Variants in RALYL observed in about 807,000 individuals in gnomAD.
RALYL encodes the protein RALY RNA binding protein like, also known as RNA-binding Raly-like protein.
A neutral mutation model predicts 35.1 loss-of-function variants in RALYL; 29 were observed. That is an observed-to-expected ratio of 0.83 (90% CI 0.61 to 1.13). The LOEUF (loss-of-function observed/expected upper bound fraction) is 1.13. RALYL is among the 50% of genes most tolerant of loss of function. RALYL has a pLI of 0.00. For missense variants in RALYL, 359 were observed against 360.4 expected (o/e 1.00, Z 0.03); for synonymous variants, 120 against 127.6 (o/e 0.94, Z 0.40).
At chr8:84,459,969 G>A (rs914714253) in intron 1 of RALYL, among the ~76,000 whole-genome samples, 4 of 151,678 alleles carry the variant, frequency 2.6e-5, no homozygotes, top group East Asian at 1.9e-4. Context: ...AGGTTGATAC[G>A]AAATTTAGAT....
At chr8:84,569,852 G>T (rs771788685) in intron 2 of RALYL, among the ~76,000 whole-genome samples, 12 of 151,586 alleles carry the variant, frequency 7.9e-5, no homozygotes, top group South Asian at 4.2e-4. Context: ...TTGTCATTTT[G>T]CCATTCTTTA....
intron 8 of RALYL, among the ~76,000 whole-genome samples, chr8:84,912,052 C>T (rs77353241): frequency 0.014 from 2,084 of 152,146 alleles, 55 homozygotes; most frequent in African/African-American, 0.048. Context: ...CTCTCACTTT[C>T]CTTGAGGTCA....
chr8:84,214,682 T>C (rs1820345039), intron 1 of RALYL, among the ~76,000 whole-genome samples: 1 of 152,130 alleles, frequency 6.6e-6, no homozygotes, highest in Admixed American at 6.5e-5. Context: ...CCCTCTTCAG[T>C]GCTACTCGAA....
intron 4 of RALYL, among the ~76,000 whole-genome samples, chr8:84,815,299 A>C (rs539492593): frequency 1.6e-4 from 24 of 151,754 alleles, no homozygotes; most frequent in Admixed American, 1.6e-3. Flanking sequence ...ATCATAATAA[A>C]TTTTAAACTT....
chr8:84,815,866 T>G (rs1258580247), intron 4 of RALYL, among the ~76,000 whole-genome samples: 2 of 151,278 alleles, frequency 1.3e-5, no homozygotes, highest in African/African-American at 2.4e-5. Context: ...AAACCCCAGC[T>G]CTACTAAAAA....
At chr8:84,789,368 ACTAT>A (rs1200743703) in intron 3 of RALYL, among the ~76,000 whole-genome samples, 2 of 152,234 alleles carry the variant, frequency 1.3e-5, no homozygotes, top group Non-Finnish European at 2.9e-5. Context: ...TCTTACTAAA[ACTAT>A]CTACAACATC....
intron 2 of RALYL, among the ~76,000 whole-genome samples, chr8:84,738,003 A>G (rs894052827): frequency 1.3e-5 from 2 of 152,056 alleles, no homozygotes; most frequent in Non-Finnish European, 2.9e-5. Flanking sequence ...ACCATGTCAG[A>G]CATTGTACTA....
chr8:84,607,880 A>G (rs1240344487), intron 2 of RALYL, among the ~76,000 whole-genome samples: 1 of 152,054 alleles, frequency 6.6e-6, no homozygotes, highest in African/African-American at 2.4e-5. Flanking sequence ...TAAATTTCTA[A>G]AAAGACAAAA....
intron 1 of RALYL, among the ~76,000 whole-genome samples, chr8:84,372,891 T>TTTTGTTTTGTTTTG (rs1415267299): frequency 1.3e-4 from 15 of 116,724 alleles, no homozygotes; most frequent in African/African-American, 5.0e-4. Flanking sequence ...CATCTGTTTT[T>TTTTGTTTTGTTTTG]TTTTTTTTTT....
At chr8:84,299,600 G>C (rs1472914707) in intron 1 of RALYL, among the ~76,000 whole-genome samples, 1 of 151,788 alleles carries the variant, frequency 6.6e-6, no homozygotes, top group Non-Finnish European at 1.5e-5. Context: ...GTGGTCCAGG[G>C]CTTTCCCTGG....
At chr8:84,444,032 A>C (rs564998566) in intron 1 of RALYL, among the ~76,000 whole-genome samples, 1 of 152,112 alleles carries the variant, frequency 6.6e-6, no homozygotes, top group Non-Finnish European at 1.5e-5. Flanking sequence ...GTATTCAAAT[A>C]AAAAACACAA....
At chr8:84,716,919 T>C (rs1279119472) in intron 2 of RALYL, among the ~76,000 whole-genome samples, 1 of 152,034 alleles carries the variant, frequency 6.6e-6, no homozygotes, top group East Asian at 1.9e-4. Context: ...TACAAGAAAT[T>C]GTAGCATAAA....
intron 8 of RALYL, among the ~76,000 whole-genome samples, chr8:84,897,406 G>A (rs1844937380): frequency 6.6e-6 from 1 of 152,146 alleles, no homozygotes; most frequent in Non-Finnish European, 1.5e-5. Context: ...GGAAACAAAT[G>A]TAATATTCTG....
intron 4 of RALYL, among the ~76,000 whole-genome samples, chr8:84,819,510 G>A (rs898603203): frequency 3.9e-5 from 6 of 152,134 alleles, no homozygotes; most frequent in Non-Finnish European, 7.4e-5. Flanking sequence ...TGACAGTGGC[G>A]TGTTGAATGC....
chr8:84,210,951 A>G (rs1380231057), intron 1 of RALYL, among the ~76,000 whole-genome samples: 5 of 152,140 alleles, frequency 3.3e-5, no homozygotes, highest in Non-Finnish European at 1.5e-5. Context: ...AGTGAATAAT[A>G]ATGCAGTTTT....
intron 2 of RALYL, among the ~76,000 whole-genome samples, chr8:84,658,420 A>C (rs895705005): frequency 6.6e-6 from 1 of 152,196 alleles, no homozygotes; most frequent in Admixed American, 6.6e-5. Flanking sequence ...ATCATTCTTC[A>C]GTTGATACAT....
intron 2 of RALYL, among the ~76,000 whole-genome samples, chr8:84,630,002 A>G (rs139974655): frequency 2.8e-3 from 432 of 152,180 alleles, no homozygotes; most frequent in Non-Finnish European, 4.5e-3. Context: ...GAGAAAAGAA[A>G]TAAGGGCTTG....
In RALYL at chr8:84,730,944, AGAG is replaced by A. The variant is rs138871038; in HGVS notation, c.257-43625_257-43623del. Among the ~76,000 whole-genome samples, 675 of 152,218 alleles carry A rather than the reference AGAG, an allele frequency of 4.4e-3. 8 individuals are homozygous for A. The East Asian group carries it at 0.046, about 10-fold the overall frequency. ...TGGAATTTAGGTTAGTGAATAAGAAAGAGGAGGAGGAGAAAGAAGGAAAAGGTG... is the reference window on the plus strand; with the variant it reads ...TGGAATTTAGGTTAGTGAATAAGAAAGAGGAGGAGAAAGAAGGAAAAGGTG... On this transcript the variant is annotated intron_variant, in intron 2 of 8. Transcript: ENST00000521268.
At chr8:84,494,397 T>C (rs2055746605) in intron 1 of RALYL, among the ~76,000 whole-genome samples, 1 of 152,132 alleles carries the variant, frequency 6.6e-6, no homozygotes, top group African/African-American at 2.4e-5. Context: ...GCTTTTTGGG[T>C]TCCATATGAA....
Sources: gnomAD v4.1 joint callset for allele counts (sites outside exome capture counted in the v4.1 genomes callset) on GRCh38, gnomAD v4.1.1 for gene constraint, MANE v1.5 for transcripts, NCBI Gene and HGNC (gene_info 2026-07-23, HGNC 2026-07-21) for gene names.